The following CNTN4 variants were observed in gnomAD, a reference collection of about 807,000 sequenced individuals.
The protein encoded by CNTN4 is contactin 4, also known as contactin-4.
In CNTN4, 77 loss-of-function variants were observed where a neutral mutation model predicts 122.5. The ratio of observed to expected loss-of-function variants is 0.63; its 90% CI spans 0.52 to 0.76. The LOEUF (loss-of-function observed/expected upper bound fraction) is 0.76, where lower values mean the gene tolerates loss of function less well. CNTN4 is among the 30% of genes least tolerant of loss of function. The pLI is 0.00. For synonymous variants in CNTN4, 512 were observed against 447.0 expected (o/e 1.15, Z -1.83); for missense variants, 1,256 against 1,259.1 (o/e 1.00, Z 0.04).
At position 2,279,901 on chromosome 3, in the gene CNTN4, T is replaced by C. The variant is rs370025870; in HGVS notation, c.-144-59277T>C. The stretch of plus-strand genomic sequence containing the variant: ...AAATATATATTCCTTTATATATCTA[T>C]AAATCTATATATCTAGCTATATATA... On this transcript the variant is annotated intron_variant, in intron 2 of 24. Transcript: ENST00000418658. Among the ~76,000 whole-genome samples, 4 of 150,760 alleles carry C rather than the reference T, an allele frequency of 2.7e-5. 1 individual carries two copies. The highest frequency in any genetic ancestry group is 3.9e-4 in the East Asian group (2 of 5,182).
At chr3:2,855,407 A>G (rs2093607369) in intron 7 of CNTN4, among the ~76,000 whole-genome samples, 1 of 152,238 alleles carries the variant, frequency 6.6e-6, no homozygotes, top group East Asian at 1.9e-4. Flanking sequence ...TGTCTCTCCA[A>G]TGGAACTAAT....
At chr3:2,381,279 T>C (rs563312844) in intron 3 of CNTN4, among the ~76,000 whole-genome samples, 1 of 152,338 alleles carries the variant, frequency 6.6e-6, no homozygotes, top group African/African-American at 2.4e-5. Context: ...GTGCTGGGAT[T>C]ACAGGCGTGA....
intron 2 of CNTN4, among the ~76,000 whole-genome samples, chr3:2,238,197 T>A (rs2039758902): frequency 6.6e-6 from 1 of 152,114 alleles, no homozygotes; most frequent in South Asian, 2.1e-4. Context: ...AAGTAAATAA[T>A]TATATGGTGA....
At chr3:2,333,877 A>C (rs1559462300) in intron 2 of CNTN4, among the ~76,000 whole-genome samples, 1 of 144,906 alleles carries the variant, frequency 6.9e-6, no homozygotes, top group Non-Finnish European at 1.5e-5. Flanking sequence ...TACCTCCCAC[A>C]GAAAATTCAG....
intron 4 of CNTN4, among the ~76,000 whole-genome samples, chr3:2,627,668 T>TG (rs2082254985): frequency 6.6e-6 from 1 of 151,962 alleles, no homozygotes; most frequent in African/African-American, 2.4e-5. Flanking sequence ...TAATTTTTTG[T>TG]ATTTTTAGTA....
At chr3:2,124,434 AC>A (rs1225700192) in intron 2 of CNTN4, among the ~76,000 whole-genome samples, 1 of 21,768 alleles carries the variant, frequency 4.6e-5, no homozygotes, top group Non-Finnish European at 1.3e-4. Flanking sequence ...TTTATTTAAA[AC>A]ACACACACAC....
intron 3 of CNTN4, among the ~76,000 whole-genome samples, chr3:2,354,499 G>A (rs1407287254): frequency 6.6e-6 from 1 of 152,132 alleles, no homozygotes; most frequent in Non-Finnish European, 1.5e-5. Context: ...CCACTGCACT[G>A]CAGCCTGGGT....
intron 2 of CNTN4, among the ~76,000 whole-genome samples, chr3:2,146,295 C>T (rs1002891722): frequency 1.3e-5 from 2 of 150,560 alleles, no homozygotes; most frequent in Non-Finnish European, 3.0e-5. Context: ...TTAGCTACTA[C>T]AAATTGAAGT....
intron 14 of CNTN4, among the ~76,000 whole-genome samples, chr3:3,020,112 G>A (rs1444863475): frequency 3.3e-5 from 5 of 151,918 alleles, no homozygotes; most frequent in East Asian, 1.9e-4. Flanking sequence ...TTCCATATTC[G>A]ACATAAGTCT....
At chr3:3,008,884 C>T (rs1427950049) in intron 14 of CNTN4, 8 of 924,902 alleles carry the variant, frequency 8.6e-6, no homozygotes, top group Admixed American at 6.2e-5. Flanking sequence ...CCATTGTCCT[C>T]GGCATTCTAG....
At chr3:2,382,094 A>G (rs192431777) in intron 3 of CNTN4, among the ~76,000 whole-genome samples, 49 of 151,312 alleles carry the variant, frequency 3.2e-4, no homozygotes, top group African/African-American at 1.2e-3. Context: ...AAAGTGGACC[A>G]CTCTATACAG....
At chr3:2,597,626 C>T (rs1216319561) in intron 4 of CNTN4, among the ~76,000 whole-genome samples, 1 of 152,080 alleles carries the variant, frequency 6.6e-6, no homozygotes, top group Non-Finnish European at 1.5e-5. Context: ...TAAAAGACAG[C>T]ACCTGAGAAG....
intron 2 of CNTN4, among the ~76,000 whole-genome samples, chr3:2,264,837 A>C (rs1334300992): frequency 2.6e-5 from 4 of 152,018 alleles, no homozygotes; most frequent in African/African-American, 9.7e-5. Context: ...TCCTGTATAT[A>C]GTTTTCCCAA....
intron 3 of CNTN4, among the ~76,000 whole-genome samples, chr3:2,531,448 G>A (rs1420495638): frequency 6.6e-6 from 1 of 152,196 alleles, no homozygotes; most frequent in Non-Finnish European, 1.5e-5. Flanking sequence ...GTCTCTCTAT[G>A]CCTTCAACCA....
chr3:2,600,351 C>G (rs1418013348), intron 4 of CNTN4, among the ~76,000 whole-genome samples: 1 of 152,044 alleles, frequency 6.6e-6, no homozygotes, highest in Non-Finnish European at 1.5e-5. Context: ...GTTCCTTCCC[C>G]TCCCGCACCC....
intron 14 of CNTN4, among the ~76,000 whole-genome samples, chr3:3,009,515 G>A (rs1559783954): frequency 1.3e-5 from 2 of 151,004 alleles, no homozygotes; most frequent in Admixed American, 6.6e-5. Context: ...CTCACTGCAA[G>A]CTCCGCCCCC....
chr3:2,714,461 C>T (rs1330537399), intron 4 of CNTN4, among the ~76,000 whole-genome samples: 1 of 152,038 alleles, frequency 6.6e-6, no homozygotes, highest in Non-Finnish European at 1.5e-5. Flanking sequence ...GGTTGGGTTG[C>T]CTGGGATTGG....
rs139534892 is a variant in CNTN4, at chr3:3,040,683, T to C, written c.2398+412T>C. 5.4e-4 allele frequency among the ~76,000 whole-genome samples: 82 copies of C among 152,280 alleles called. 3 individuals carry two copies. The East Asian group carries it at 0.014, about 26-fold the overall frequency. The stretch of plus-strand genomic sequence containing the variant: ...GGCTCACACCTGTAATCCCAACACT[T>C]TTGGGAGGCCAAGGCGGGTGGATCA... On this transcript the variant is annotated intron_variant, in intron 20 of 24. Coordinates refer to ENST00000418658, the MANE Select transcript of CNTN4 (RefSeq NM_175607.3).
At chr3:2,933,266 T>C (rs2094540571) in intron 13 of CNTN4, among the ~76,000 whole-genome samples, 1 of 152,176 alleles carries the variant, frequency 6.6e-6, no homozygotes, top group African/African-American at 2.4e-5. Context: ...CCTTTTCCTC[T>C]CCGTGGGAAG....
Sources: allele counts gnomAD v4.1 joint callset (sites outside exome capture counted in the v4.1 genomes callset), GRCh38; gene constraint gnomAD v4.1.1; transcripts MANE v1.5; gene names NCBI Gene and HGNC (gene_info 2026-07-23, HGNC 2026-07-21).